NPAS2: variants seen among roughly 807,000 people sequenced by gnomAD.
The protein encoded by NPAS2 is neuronal PAS domain-containing protein 2.
Under a neutral mutation model 107.5 loss-of-function variants are expected in NPAS2, and 23 were observed. The ratio of observed to expected loss-of-function variants is 0.21; its 90% CI spans 0.15 to 0.30. The LOEUF (loss-of-function observed/expected upper bound fraction) is 0.30, where lower values mean the gene tolerates loss of function less well. Ranked by LOEUF, NPAS2 falls within the 10% of genes least tolerant of loss-of-function variation. The pLI is 1.00. For missense variants in NPAS2, 756 were observed against 1,043.3 expected (o/e 0.72, Z 3.79); for synonymous variants, 403 against 417.5 (o/e 0.97, Z 0.42).
Position 100,990,842 on chromosome 2 carries a change from C to T in NPAS2, c.2081C>T (p.Ser694Leu), listed in dbSNP as rs765698936. 13 of 1,614,028 alleles carry T rather than the reference C, an allele frequency of 8.1e-6. No homozygotes were observed. The African/African-American group carries it at 9.3e-5, about 12-fold the overall frequency. ...GGGTCCTGTGACGCAAGGCAGCCCT[C>T]GGAAGTCAGCAGGACGGGACGGCAA... The part of the protein sequence containing the change: ...MPGSCDARQP[S>L]EVSRTGRQVK... Residue 694 changes from serine to leucine, a missense_variant, in exon 19 of 21, where the codon TCG becomes TTG. Around this residue, in one of 4 missense-constraint regions of NPAS2, gnomAD observed 496 missense variants for 594.4 expected, o/e 0.83. Coordinates refer to ENST00000335681, the MANE Select transcript of NPAS2 (RefSeq NM_002518.4).
At chr2:100,845,749 T>C (rs1677735709) in intron 1 of NPAS2, among the ~76,000 whole-genome samples, 1 of 152,218 alleles carries the variant, frequency 6.6e-6, no homozygotes, top group Non-Finnish European at 1.5e-5. Flanking sequence ...GCTGTTTTAT[T>C]GGGCAAGGCA....
At chr2:100,914,914 C>A (rs942640674) in intron 2 of NPAS2, among the ~76,000 whole-genome samples, 1 of 152,046 alleles carries the variant, frequency 6.6e-6, no homozygotes, top group Non-Finnish European at 1.5e-5. Flanking sequence ...AAACCAGCAG[C>A]GAGTTCACCA....
chr2:100,880,034 A>G (rs1680234187), intron 1 of NPAS2, among the ~76,000 whole-genome samples: 1 of 152,360 alleles, frequency 6.6e-6, no homozygotes, highest in South Asian at 2.1e-4. Flanking sequence ...TGGGGGGGAC[A>G]AGATCACTCT....
intron 4 of NPAS2, chr2:100,934,106 G>A (rs1446792713): frequency 6.6e-6 from 1 of 152,212 alleles, no homozygotes; most frequent in African/African-American, 2.4e-5. Context: ...AAATCTACAT[G>A]TGAACTATAT....
At chr2:100,830,646 G>C (rs1676674282) in intron 1 of NPAS2, among the ~76,000 whole-genome samples, 1 of 152,172 alleles carries the variant, frequency 6.6e-6, no homozygotes, top group Non-Finnish European at 1.5e-5. Flanking sequence ...AGCTAGTCAT[G>C]GTTCTCCGAC....
At chr2:100,916,154 A>G (rs909728779) in intron 2 of NPAS2, among the ~76,000 whole-genome samples, 1 of 152,174 alleles carries the variant, frequency 6.6e-6, no homozygotes, top group African/African-American at 2.4e-5. Flanking sequence ...AAATAATCCA[A>G]AAGAAAGCAG....
intron 13 of NPAS2, 43 bp downstream of exon 13, chr2:100,974,987 G>C (rs940690074): frequency 2.5e-6 from 4 of 1,604,676 alleles, no homozygotes; most frequent in African/African-American, 1.3e-5. Flanking sequence ...GTCCACATCA[G>C]ACCAGAGGGA....
At chr2:100,925,041 T>C in intron 2 of NPAS2, 105 bp from the exon 3 acceptor site, 1 of 1,194,646 alleles carries the variant, frequency 8.4e-7, no homozygotes, top group Non-Finnish European at 1.2e-6. Flanking sequence ...TTTGATAAGA[T>C]AGATGATCAC....
At chr2:100,849,238 C>T (rs753353605) in intron 1 of NPAS2, among the ~76,000 whole-genome samples, 1 of 152,188 alleles carries the variant, frequency 6.6e-6, no homozygotes, top group African/African-American at 2.4e-5. Flanking sequence ...TAGTTGTGTG[C>T]TTTGGTTCTG....
upstream of NPAS2, among the ~76,000 whole-genome samples, chr2:100,819,965 C>G (rs890860007): frequency 1.3e-5 from 2 of 151,532 alleles, no homozygotes; most frequent in East Asian, 3.9e-4. This position sits in a 1 kb window ranked among gnomAD's most constrained non-coding sequence, Gnocchi z 5.8. Context: ...GCCTGCGGCG[C>G]GCGCGGGGTG....
intron 2 of NPAS2, among the ~76,000 whole-genome samples, chr2:100,913,002 C>G (rs533935669): frequency 6.6e-6 from 1 of 152,142 alleles, no homozygotes; most frequent in Non-Finnish European, 1.5e-5. Flanking sequence ...AGGTGCCGAA[C>G]GAGGATGAGA....
chr2:100,927,039 C>T lies in NPAS2; in HGVS notation c.181+1745C>T, dbSNP rs181197984. 4.4e-4 allele frequency among the ~76,000 whole-genome samples: 66 copies of T among 150,436 alleles called. 1 individual carries two copies. In the East Asian group the frequency reaches 9.5e-3, roughly 22 times the overall value. On this transcript the variant is annotated intron_variant, in intron 3 of 20. Transcript: ENST00000335681. Reference sequence around the variant, plus strand: ...CTGCAAGCTCCGCCTCCAGGGTTCACACCATTCTCCTGCCTCAGCCTCCTG... The same window carrying T: ...CTGCAAGCTCCGCCTCCAGGGTTCATACCATTCTCCTGCCTCAGCCTCCTG...
intron 1 of NPAS2, among the ~76,000 whole-genome samples, chr2:100,855,388 C>T (rs1408171788): frequency 6.6e-6 from 1 of 152,174 alleles, no homozygotes; most frequent in East Asian, 1.9e-4. Flanking sequence ...GCTGGAACCA[C>T]CTGAGATTCG....
chr2:100,911,892 A>G (rs1015153504), intron 2 of NPAS2, among the ~76,000 whole-genome samples: 1 of 152,222 alleles, frequency 6.6e-6, no homozygotes, highest in Admixed American at 6.5e-5. Context: ...TTGGCCTCCC[A>G]AAGTGCTGGG....
intron 16 of NPAS2, chr2:100,987,719 C>T: frequency 3.8e-6 from 1 of 264,640 alleles, no homozygotes; most frequent in Non-Finnish European, 7.3e-6. Context: ...ATTCCACTCA[C>T]CAGGTATTTC....
At chr2:100,982,408 C>T in intron 16 of NPAS2, 31 bp downstream of exon 16, 1 of 1,609,574 alleles carries the variant, frequency 6.2e-7, no homozygotes, top group Non-Finnish European at 8.5e-7. Context: ...GCCTCTGTCC[C>T]TGCTGCTGTG....
chr2:100,897,674 C>T (rs1681499031), intron 1 of NPAS2, among the ~76,000 whole-genome samples: 2 of 152,122 alleles, frequency 1.3e-5, no homozygotes, highest in African/African-American at 4.8e-5. Flanking sequence ...CAGAACAAGA[C>T]TCCCCGAACC....
intron 1 of NPAS2, among the ~76,000 whole-genome samples, chr2:100,892,806 G>A (rs1681161187): frequency 1.3e-5 from 2 of 152,070 alleles, no homozygotes; most frequent in South Asian, 2.1e-4. Context: ...TGCGGCCTTT[G>A]GCTCAGGTTC....
chr2:100,891,197 A>C (rs1289077583), intron 1 of NPAS2, among the ~76,000 whole-genome samples: 1 of 150,486 alleles, frequency 6.6e-6, no homozygotes, highest in East Asian at 2.0e-4. Flanking sequence ...GCGCCACTGC[A>C]CTCCAGCCTG....
Sources: gnomAD v4.1 joint callset for allele counts (sites outside exome capture counted in the v4.1 genomes callset) on GRCh38, gnomAD v4.1.1 for gene constraint, gnomAD v4.1.1 regional missense constraint, Gnocchi (gnomAD v3.1) non-coding constraint, MANE v1.5 for transcripts, NCBI Gene and HGNC (gene_info 2026-07-23, HGNC 2026-07-21) for gene names.